Variants in BMPER observed in about 807,000 individuals in gnomAD.
BMPER encodes BMP binding endothelial regulator, also known as BMP-binding endothelial regulator protein.
A neutral mutation model predicts 87.3 loss-of-function variants in BMPER; 45 were observed. That is an observed-to-expected ratio of 0.52 (90% CI 0.41 to 0.66). BMPER has a LOEUF of 0.66. BMPER is among the 30% of genes least tolerant of loss of function. The pLI, the probability that BMPER is intolerant of heterozygous loss-of-function variation, is 0.00. For synonymous variants in BMPER, 326 were observed against 316.2 expected, an observed-to-expected ratio of 1.03 and a Z score of -0.33; for missense variants, 784 against 867.5, an observed-to-expected ratio of 0.90 and a Z score of 1.21.
chr7:34,078,764 T>C, intron 11 of BMPER, 93 bp from the exon 12 acceptor site: 1 of 1,343,060 alleles, frequency 7.4e-7, no homozygotes, highest in Non-Finnish European at 1.1e-6. Context: ...GCATTTCTGC[T>C]AAGGCTTCCC....
intron 14 of BMPER, among the ~76,000 whole-genome samples, chr7:34,147,956 G>A (rs560637920): frequency 6.6e-6 from 1 of 152,140 alleles, no homozygotes; most frequent in Non-Finnish European, 1.5e-5. Flanking sequence ...AAGCTGTGCT[G>A]AATTGAAGGC....
intron 1 of BMPER, among the ~76,000 whole-genome samples, chr7:33,906,055 C>G (rs1182872309): frequency 6.6e-6 from 1 of 152,184 alleles, no homozygotes; most frequent in African/African-American, 2.4e-5. Flanking sequence ...CTGTAGAACT[C>G]AGGAAAAAAA....
At chr7:34,047,666 T>C (rs1451423263) in intron 7 of BMPER, among the ~76,000 whole-genome samples, 1 of 152,110 alleles carries the variant, frequency 6.6e-6, no homozygotes, top group Non-Finnish European at 1.5e-5. Context: ...TGAGCCACCA[T>C]GCAAATACAA....
At chr7:34,139,342 G>T (rs1299857613) in intron 13 of BMPER, among the ~76,000 whole-genome samples, 1 of 152,154 alleles carries the variant, frequency 6.6e-6, no homozygotes, top group East Asian at 1.9e-4. Context: ...GAATAACTAA[G>T]ACCTACAAAT....
chr7:33,997,301 A>G (rs551095693), intron 6 of BMPER, among the ~76,000 whole-genome samples: 22 of 152,208 alleles, frequency 1.4e-4, no homozygotes, highest in African/African-American at 4.6e-4. Flanking sequence ...TCCTTCTGAT[A>G]TGGTTTAGCT....
At chr7:34,019,534 A>T (rs1294454914) in intron 6 of BMPER, among the ~76,000 whole-genome samples, 2 of 152,050 alleles carry the variant, frequency 1.3e-5, no homozygotes, top group African/African-American at 4.8e-5. Context: ...AAGCTGCCTG[A>T]TGTTGCTGAG....
intron 6 of BMPER, among the ~76,000 whole-genome samples, chr7:34,016,031 T>C (rs1787017350): frequency 6.7e-6 from 1 of 149,512 alleles, no homozygotes; most frequent in Non-Finnish European, 1.5e-5. Flanking sequence ...AGAGAGAGAC[T>C]GAGAGAGAGA....
At chr7:33,921,181 T>C (rs1784221568) in intron 2 of BMPER, among the ~76,000 whole-genome samples, 1 of 152,212 alleles carries the variant, frequency 6.6e-6, no homozygotes, top group African/African-American at 2.4e-5. Flanking sequence ...TTCTTCAGGG[T>C]AGGAATAGCG....
At chr7:33,946,537 C>T (rs966107881) in intron 3 of BMPER, among the ~76,000 whole-genome samples, 9 of 152,212 alleles carry the variant, frequency 5.9e-5, no homozygotes, top group Non-Finnish European at 1.3e-4. Flanking sequence ...CATTGCCTGC[C>T]ACTCAAAATC....
intron 12 of BMPER, among the ~76,000 whole-genome samples, chr7:34,084,227 G>C (rs1429904709): frequency 6.6e-6 from 1 of 152,174 alleles, no homozygotes; most frequent in East Asian, 1.9e-4. Flanking sequence ...CTTGAACCCG[G>C]GAGGTGGAGG....
chr7:33,930,006 G>C (rs888731793), intron 2 of BMPER, among the ~76,000 whole-genome samples: 3 of 152,196 alleles, frequency 2.0e-5, no homozygotes, highest in Non-Finnish European at 4.4e-5. Context: ...GAAAGGTCTG[G>C]AAATGCCACT....
rs146242588 is a variant in BMPER at position 34,011,897 on chromosome 7, C to T, written c.577-34409C>T. ...AGTCAGCTAGGGTGAACCCATTTTC[C>T]GAAATTTTGTTTCTGGAAGCATTTA... On this transcript the variant is annotated intron_variant, in intron 6 of 14. Transcript: ENST00000649409. Among the ~76,000 whole-genome samples the T allele has an allele frequency of 3.0e-4, 45 of 151,838 alleles. 1 individual carries two copies. The East Asian group carries it at 6.8e-3, about 23-fold the overall frequency.
intron 2 of BMPER, among the ~76,000 whole-genome samples, chr7:33,916,810 G>C (rs1219672049): frequency 1.3e-5 from 2 of 152,158 alleles, no homozygotes. Flanking sequence ...GACTTGAGTG[G>C]GAGTTAGACT....
At chr7:34,032,544 G>A (rs1296127938) in intron 6 of BMPER, among the ~76,000 whole-genome samples, 9 of 152,174 alleles carry the variant, frequency 5.9e-5, no homozygotes, top group Non-Finnish European at 1.2e-4. Context: ...AGTATTGGAT[G>A]AAAGAAATGT....
chr7:34,054,752 A>C (rs921857568), intron 8 of BMPER, among the ~76,000 whole-genome samples: 10 of 152,206 alleles, frequency 6.6e-5, no homozygotes, highest in African/African-American at 2.4e-4. Context: ...CCTTTACGTT[A>C]AGTTCCAAAA....
chr7:33,978,104 C>T (rs1585698484), intron 6 of BMPER, among the ~76,000 whole-genome samples: 1 of 152,152 alleles, frequency 6.6e-6, no homozygotes. Flanking sequence ...GATTAAGCCA[C>T]GAAGTCTCTG....
chr7:33,927,912 T>C (rs1443526637), intron 2 of BMPER, among the ~76,000 whole-genome samples: 2 of 152,182 alleles, frequency 1.3e-5, no homozygotes, highest in Non-Finnish European at 2.9e-5. Flanking sequence ...TTGTTTTCCT[T>C]TTGGGCAGAG....
chr7:34,085,527 A>G (rs756096400), intron 12 of BMPER, among the ~76,000 whole-genome samples: 15 of 152,198 alleles, frequency 9.9e-5, no homozygotes, highest in Non-Finnish European at 1.9e-4. Context: ...TTATCAGGAC[A>G]AACTTTATAC....
At chr7:33,933,381 C>T (rs1784525903) in intron 2 of BMPER, among the ~76,000 whole-genome samples, 1 of 151,228 alleles carries the variant, frequency 6.6e-6, no homozygotes. Flanking sequence ...GAAAGAGGGA[C>T]ACACGGGAGA....
Sources: allele counts gnomAD v4.1 joint callset (sites outside exome capture counted in the v4.1 genomes callset), GRCh38; gene constraint gnomAD v4.1.1; transcripts MANE v1.5; gene names NCBI Gene and HGNC (gene_info 2026-07-23, HGNC 2026-07-21).